SHISA6: variants seen among roughly 807,000 people sequenced by gnomAD.
SHISA6 encodes the protein shisa family member 6.
A neutral mutation model predicts 47.9 loss-of-function variants in SHISA6; 22 were observed. The observed-to-expected ratio is 0.46, with a 90% CI of 0.33 to 0.66. SHISA6 has a LOEUF of 0.66. SHISA6 is among the 30% of genes least tolerant of loss of function. SHISA6 has a pLI of 0.02. For missense variants in SHISA6, 680 were observed against 764.6 expected (o/e 0.89, Z 1.30); for synonymous variants, 388 against 337.8 (o/e 1.15, Z -1.63).
chr17:11,272,631 G>A (rs546252201), intron 2 of SHISA6, among the ~76,000 whole-genome samples: 1 of 152,246 alleles, frequency 6.6e-6, no homozygotes, highest in African/African-American at 2.4e-5. Context: ...TTTCTCTAAG[G>A]TGTGTCTGGT....
rs1197806433 is a variant in SHISA6, at chr17:11,241,630, G to T, written c.208G>T (p.Ala70Ser). Residue 70 changes from alanine (A) to serine (S), a missense_variant, in exon 1 of 6, where the codon GCG (alanine) becomes TCG (serine). Ala to Ser is a moderately conservative substitution (Grantham distance 99). This residue lies in a region of SHISA6 where 121 missense variants were observed against 90.5 expected (regional missense o/e 1.34). Coordinates refer to ENST00000441885, the MANE Select transcript of SHISA6 (RefSeq NM_207386.4). This position sits in a 1 kb window ranked among gnomAD's most constrained non-coding sequence, Gnocchi z 5.5. ...GTARAPGIPE[A>S]GSRRGQPAAA... ...CGCCCGGGCGCCCGGAATCCCGGAG[G>T]CGGGAAGCCGGCGGGGGCAGCCCGC... The T allele has an allele frequency of 2.1e-5, 28 of 1,345,244 alleles. No homozygotes were observed. The highest frequency in any genetic ancestry group is 4.3e-4 in the Middle Eastern group (2 of 4,698). The allele number at this position is 1,345,244 out of a possible 1,614,324, so 83.3% of individuals were successfully genotyped here. A position where few individuals can be genotyped will look rare whatever the true frequency, so the allele number is the denominator to read the frequency against.
intron 3 of SHISA6, among the ~76,000 whole-genome samples, chr17:11,455,720 G>A (rs2142309442): frequency 6.6e-6 from 1 of 152,200 alleles, no homozygotes; most frequent in East Asian, 1.9e-4. Flanking sequence ...CATGGGAGAG[G>A]GGTCACATTC....
chr17:11,263,987 C>G (rs1908337106), intron 2 of SHISA6, among the ~76,000 whole-genome samples: 1 of 152,150 alleles, frequency 6.6e-6, no homozygotes, highest in Non-Finnish European at 1.5e-5. Context: ...TTTGAGTGAC[C>G]TTTTCCTGTG....
chr17:11,383,861 T>G (rs1489342415), intron 3 of SHISA6, among the ~76,000 whole-genome samples: 4 of 152,094 alleles, frequency 2.6e-5, no homozygotes, highest in Admixed American at 1.3e-4. Flanking sequence ...AAATATTTTC[T>G]TCGTTAATTA....
intron 2 of SHISA6, among the ~76,000 whole-genome samples, chr17:11,372,926 C>CT (rs1368810879): frequency 6.6e-6 from 1 of 152,042 alleles, no homozygotes; most frequent in African/African-American, 2.4e-5. Context: ...CCTCAAGCTA[C>CT]TTTCGGTTTT....
chr17:11,351,190 A>T (rs940236452), intron 2 of SHISA6, among the ~76,000 whole-genome samples: 5 of 152,166 alleles, frequency 3.3e-5, no homozygotes, highest in Admixed American at 6.5e-5. Flanking sequence ...TGTGTAAGGC[A>T]TGCGGGGCTT....
intron 3 of SHISA6, among the ~76,000 whole-genome samples, chr17:11,449,924 G>A (rs970578298): frequency 5.9e-5 from 9 of 152,144 alleles, no homozygotes; most frequent in Non-Finnish European, 1.2e-4. Flanking sequence ...TCGCTCTGTC[G>A]CCCAGGCTGG....
intron 3 of SHISA6, among the ~76,000 whole-genome samples, chr17:11,398,505 A>C (rs768530368): frequency 2.0e-5 from 3 of 152,128 alleles, no homozygotes; most frequent in Non-Finnish European, 2.9e-5. Context: ...CATGTAATCA[A>C]TACTCTGACC....
intron 3 of SHISA6, among the ~76,000 whole-genome samples, chr17:11,537,257 GA>G (rs746908670): frequency 3.9e-5 from 6 of 152,118 alleles, no homozygotes; most frequent in Admixed American, 1.3e-4. Context: ...GGGGTAAAGG[GA>G]CAAGACTGAG....
intron 3 of SHISA6, among the ~76,000 whole-genome samples, chr17:11,548,295 CA>C (rs1179550028): frequency 6.6e-6 from 1 of 151,918 alleles, no homozygotes; most frequent in Non-Finnish European, 1.5e-5. Context: ...TCCGAACATC[CA>C]AAAAACAGAT....
chr17:11,302,041 C>A (rs1337143194), intron 2 of SHISA6, among the ~76,000 whole-genome samples: 1 of 152,170 alleles, frequency 6.6e-6, no homozygotes, highest in African/African-American at 2.4e-5. Flanking sequence ...CCCACCAGAT[C>A]TTGTGAGACT....
intron 3 of SHISA6, among the ~76,000 whole-genome samples, chr17:11,402,718 A>G (rs1265660323): frequency 6.6e-6 from 1 of 152,220 alleles, no homozygotes. Context: ...GCAAGGAAAC[A>G]TATTCTTTCA....
intron 1 of SHISA6, among the ~76,000 whole-genome samples, chr17:11,249,474 C>G (rs1391703851): frequency 6.6e-6 from 1 of 152,166 alleles, no homozygotes; most frequent in Non-Finnish European, 1.5e-5. Context: ...GCTAATCAAG[C>G]TGGAAATCTG....
intron 2 of SHISA6, among the ~76,000 whole-genome samples, chr17:11,295,424 A>G (rs547188857): frequency 6.6e-6 from 1 of 152,320 alleles, no homozygotes; most frequent in South Asian, 2.1e-4. Flanking sequence ...TCAGTGGGGG[A>G]GACAGACAGT....
At chr17:11,249,195 G>A (rs1907707806) in intron 1 of SHISA6, among the ~76,000 whole-genome samples, 1 of 151,358 alleles carries the variant, frequency 6.6e-6, no homozygotes, top group Non-Finnish European at 1.5e-5. Flanking sequence ...CTCTCCCAGA[G>A]ATGAGTGGAA....
At chr17:11,278,868 G>A (rs533397504) in intron 2 of SHISA6, among the ~76,000 whole-genome samples, 38 of 152,342 alleles carry the variant, frequency 2.5e-4, no homozygotes, top group Middle Eastern at 3.4e-3. Context: ...TAAAGGAAAT[G>A]GGGCCTCTGA....
chr17:11,325,546 T>C (rs1199044481), intron 2 of SHISA6, among the ~76,000 whole-genome samples: 7 of 152,080 alleles, frequency 4.6e-5, no homozygotes, highest in Non-Finnish European at 1.0e-4. Context: ...TGGTGTAGGA[T>C]GCCTATTCCA....
chr17:11,280,921 A>G (rs1909093899), intron 2 of SHISA6, among the ~76,000 whole-genome samples: 1 of 152,266 alleles, frequency 6.6e-6, no homozygotes, highest in South Asian at 2.1e-4. Context: ...TGGTGTTTAC[A>G]TTCGCATTCA....
Position 11,275,064 on chromosome 17 carries a change from A to G in SHISA6, c.799+11538A>G, listed in dbSNP as rs144271615. On this transcript the variant is annotated intron_variant, in intron 2 of 5. Coordinates refer to ENST00000441885, the MANE Select transcript of SHISA6 (RefSeq NM_207386.4). ...GGTTGTGGCTTTTCTGTAAACAGAC[A>G]GGAGTGATTAAAGATTTGGGACAAC... Among the ~76,000 whole-genome samples the G allele has an allele frequency of 1.8e-4, 28 of 152,260 alleles. 1 individual carries two copies. The highest frequency in any genetic ancestry group is 5.1e-4 in the African/African-American group (21 of 41,532).
Sources: allele counts gnomAD v4.1 joint callset (sites outside exome capture counted in the v4.1 genomes callset), GRCh38; gene constraint gnomAD v4.1.1; regional missense constraint gnomAD v4.1.1; non-coding constraint Gnocchi (gnomAD v3.1); transcripts MANE v1.5; gene names NCBI Gene and HGNC (gene_info 2026-07-23, HGNC 2026-07-21).